Variants in RICTOR observed in about 807,000 individuals in gnomAD.
RICTOR encodes rapamycin-insensitive companion of mTOR.
RICTOR carries 49 observed loss-of-function variants against 214.9 expected under a neutral mutation model. That is an observed-to-expected ratio of 0.23 (90% confidence interval 0.18 to 0.29). The LOEUF (loss-of-function observed/expected upper bound fraction) is 0.29. Ranked by LOEUF, RICTOR falls within the 10% of genes least tolerant of loss-of-function variation. The probability of loss-of-function intolerance (pLI) is 1.00; values close to 1 mark genes in which losing one functional copy is unlikely to be tolerated. For missense variants in RICTOR, 1,625 were observed against 2,047.0 expected (o/e 0.79, Z 3.98); for synonymous variants, 717 against 711.3 (o/e 1.01, Z -0.13).
Position 38,942,876 on chromosome 5 carries a change from C to T in RICTOR, c.5009G>A (p.Arg1670Gln), listed in dbSNP as rs2112784749. Residue 1670 changes from arginine (R) to glutamine (Q), a missense_variant, in exon 37 of 38, where the codon CGG (arginine) becomes CAG (glutamine). Coordinates refer to ENST00000357387, the MANE Select transcript of RICTOR (RefSeq NM_152756.5). ...LSHCTFRLPC[R>Q]RFIQELFQDV... ...TTGAAATAATTCTTGTATGAACCTCCGACACGGAAGTCTGAATGTGCAGTG... is the reference window on the plus strand; with the variant it reads ...TTGAAATAATTCTTGTATGAACCTCTGACACGGAAGTCTGAATGTGCAGTG... 6.2e-7 allele frequency: 1 copy of T among 1,611,552 alleles called. No individual in the cohort carries two copies. The highest frequency in any genetic ancestry group is 8.5e-7 in the Non-Finnish European group (1 of 1,177,796).
chr5:38,969,384 T>C (rs1234814387), intron 11 of RICTOR, among the ~76,000 whole-genome samples: 1 of 152,024 alleles, frequency 6.6e-6, no homozygotes, highest in Non-Finnish European at 1.5e-5. Context: ...ATACAATGTG[T>C]TTGTGTTTTA....
At chr5:39,070,470 C>T (rs933496960) in intron 2 of RICTOR, among the ~76,000 whole-genome samples, 1 of 151,604 alleles carries the variant, frequency 6.6e-6, no homozygotes, top group East Asian at 1.9e-4. Flanking sequence ...AGCGAGACTC[C>T]GTCTCAAATA....
At position 38,955,641 on chromosome 5, in the gene RICTOR, G is replaced by T; in HGVS notation, c.2563C>A (p.Arg855=). ...TAGTTATCACCATCAACAGGCTTCC[G>T]GTAAGTAGTAAGTGCTTCATTGAGT... The part of the protein sequence containing the change: ...EQLNEALTTY[R]KPVDGDNYVR... Residue 855 remains arginine (R), a synonymous_variant, in exon 26 of 38, where the codon CGG becomes AGG. Transcript: ENST00000357387. 6.2e-7 allele frequency: 1 copy of T among 1,610,950 alleles called. No homozygotes were observed. Among genetic ancestry groups the T allele is most frequent in the South Asian group, 1.1e-5 (1 of 91,016 alleles).
At chr5:38,957,610 A>C (rs375024302) in intron 25 of RICTOR, 42 bp downstream of exon 25, 24 of 1,053,154 alleles carry the variant, frequency 2.3e-5, no homozygotes, top group Non-Finnish European at 3.3e-5. Context: ...ATTTCAGAAG[A>C]TAAAAACACA....
chr5:39,001,511 T>C (rs1367918152), intron 5 of RICTOR, among the ~76,000 whole-genome samples: 1 of 151,986 alleles, frequency 6.6e-6, no homozygotes, highest in African/African-American at 2.4e-5. Flanking sequence ...AAAACACAGA[T>C]CTCTTCCAAA....
chr5:38,949,614 G>T, intron 31 of RICTOR, 98 bp downstream of exon 31: 1 of 1,142,870 alleles, frequency 8.7e-7, no homozygotes, highest in Non-Finnish European at 1.3e-6. Flanking sequence ...ATAGGTCAGT[G>T]ATGAGGCTCA....
chr5:38,974,556 G>C, intron 10 of RICTOR, among the ~76,000 whole-genome samples: 1 of 151,932 alleles, frequency 6.6e-6, no homozygotes, highest in East Asian at 1.9e-4. Flanking sequence ...GGAAGATGAG[G>C]AGTGGTAAAG....
chr5:39,073,283 C>T (rs1378016925), intron 2 of RICTOR, among the ~76,000 whole-genome samples: 1 of 152,152 alleles, frequency 6.6e-6, no homozygotes. Context: ...AGAAAAGAAT[C>T]TTGTACGTAA....
chr5:38,949,526 C>A, intron 31 of RICTOR, 186 bp downstream of exon 31: 2 of 1,157,232 alleles, frequency 1.7e-6, no homozygotes, highest in Non-Finnish European at 2.4e-6. Flanking sequence ...TTTTCTTCCC[C>A]CCTCGCAGCT....
At chr5:38,983,183 T>C (rs1338842724) in intron 7 of RICTOR, among the ~76,000 whole-genome samples, 1 of 152,180 alleles carries the variant, frequency 6.6e-6, no homozygotes, top group Non-Finnish European at 1.5e-5. Flanking sequence ...TAAGAACCAA[T>C]TTGACAAATT....
chr5:39,068,681 CG>C (rs1561087262), intron 2 of RICTOR, among the ~76,000 whole-genome samples: 1 of 152,054 alleles, frequency 6.6e-6, no homozygotes, highest in Admixed American at 6.6e-5. Flanking sequence ...TACTGCCACA[CG>C]ATGACATAAT....
chr5:39,068,634 C>T (rs1343558280), intron 2 of RICTOR, among the ~76,000 whole-genome samples: 2 of 152,112 alleles, frequency 1.3e-5, no homozygotes, highest in African/African-American at 4.8e-5. Context: ...TCCTGGCAGG[C>T]ATACAGTAGA....
At chr5:38,994,992 A>C (rs1352223001) in intron 6 of RICTOR, among the ~76,000 whole-genome samples, 1 of 152,144 alleles carries the variant, frequency 6.6e-6, no homozygotes, top group Non-Finnish European at 1.5e-5. Flanking sequence ...AGTGTGTACT[A>C]AAGTTTTCCG....
chr5:39,021,071 T>G lies in RICTOR; in HGVS notation c.163A>C (p.Arg55=). ...VARLQGVSNM[R]KLGHLNNFTK... The stretch of plus-strand genomic sequence containing the variant: ...AAGTTATTCAGATGGCCTAGCTTTC[T>G]CATATTTGATACTCCCTGCAATCTG... Residue 55 remains arginine, a synonymous_variant, in exon 3 of 38, where the codon AGA becomes CGA. Transcript: ENST00000357387. 6.3e-7 allele frequency: 1 copy of G among 1,594,212 alleles called. No homozygotes were observed. Among genetic ancestry groups the G allele is most frequent in the Non-Finnish European group, 8.6e-7 (1 of 1,162,000 alleles).
chr5:38,968,399 CTA>C (rs1341334944), intron 11 of RICTOR, among the ~76,000 whole-genome samples: 2 of 151,490 alleles, frequency 1.3e-5, no homozygotes, highest in Non-Finnish European at 2.9e-5. Flanking sequence ...TAATAAATGA[CTA>C]TGTTACTGGT....
chr5:39,034,701 C>T (rs1335510479), intron 2 of RICTOR, among the ~76,000 whole-genome samples: 1 of 152,220 alleles, frequency 6.6e-6, no homozygotes, highest in East Asian at 1.9e-4. Flanking sequence ...CCTACGCCCA[C>T]AGAGCCTCAC....
At chr5:39,073,769 G>A (rs530171989) in intron 2 of RICTOR, among the ~76,000 whole-genome samples, 1 of 152,168 alleles carries the variant, frequency 6.6e-6, no homozygotes, top group Non-Finnish European at 1.5e-5. Context: ...GCTGCCCCTA[G>A]CTTGGGCTGC....
chr5:39,018,835 A>G (rs560170705), intron 3 of RICTOR, among the ~76,000 whole-genome samples: 1 of 152,160 alleles, frequency 6.6e-6, no homozygotes, highest in Admixed American at 6.6e-5. Context: ...TAAATCACAA[A>G]TTAGAGATTG....
intron 2 of RICTOR, among the ~76,000 whole-genome samples, chr5:39,037,628 A>G (rs1233428932): frequency 6.6e-6 from 1 of 152,226 alleles, no homozygotes; most frequent in Non-Finnish European, 1.5e-5. Flanking sequence ...AAAAATGACA[A>G]AGGGGGTATC....
Sources: allele counts gnomAD v4.1 joint callset (sites outside exome capture counted in the v4.1 genomes callset), GRCh38; gene constraint gnomAD v4.1.1; transcripts MANE v1.5; gene names NCBI Gene and HGNC (gene_info 2026-07-23, HGNC 2026-07-21).